SLC7A2: variants seen among roughly 807,000 people sequenced by gnomAD.
SLC7A2 encodes the protein solute carrier family 7 member 2.
Under a neutral mutation model 58.9 loss-of-function variants are expected in SLC7A2, and 48 were observed. That is an observed-to-expected ratio of 0.82 (90% CI 0.65 to 1.04). The LOEUF (loss-of-function observed/expected upper bound fraction) is 1.04. Among genes scored for constraint, SLC7A2 ranks in the 50% least tolerant of loss-of-function variants. The pLI, the probability that SLC7A2 is intolerant of heterozygous loss-of-function variation, is 0.00. For synonymous variants in SLC7A2, 363 were observed against 314.5 expected (o/e 1.15, Z -1.63); for missense variants, 1,029 against 818.8 (o/e 1.26, Z -3.13).
At chr8:17,510,151 C>A (rs771340656) in intron 2 of SLC7A2, among the ~76,000 whole-genome samples, 2 of 151,934 alleles carry the variant, frequency 1.3e-5, no homozygotes, top group Non-Finnish European at 2.9e-5. Context: ...ACCTGGGAGG[C>A]AGAGGTTGCA....
intron 2 of SLC7A2, among the ~76,000 whole-genome samples, chr8:17,509,350 C>T (rs1037209763): frequency 5.9e-5 from 9 of 152,000 alleles, no homozygotes; most frequent in South Asian, 2.1e-4. Flanking sequence ...CTCTGTCGCC[C>T]GTTGGAGTGC....
Position 17,550,377 on chromosome 8 carries a change from G to T in SLC7A2, c.775G>T (p.Ala259Ser). The T allele has an allele frequency of 6.2e-7, 1 of 1,614,052 alleles. No homozygotes were observed. Among genetic ancestry groups the T allele is most frequent in the Non-Finnish European group, 8.5e-7 (1 of 1,179,958 alleles). The change falls in exon 6 of 13, where the codon GCT (alanine) becomes TCT (serine). Residue 259 changes from alanine to serine, a missense_variant. Physicochemically the swap from Ala to Ser is moderately conservative, Grantham distance 99. Transcript: ENST00000494857. The part of the protein sequence containing the change: ...FMPYGFTGTL[A>S]GAATCFYAFV... ...GCCTTATGGCTTTACGGGAACGTTG[G>T]CTGGTGCTGCAACTTGCTTTTATGC...
At chr8:17,552,225 C>T (rs1281186282) in intron 7 of SLC7A2, among the ~76,000 whole-genome samples, 1 of 151,998 alleles carries the variant, frequency 6.6e-6, no homozygotes, top group Non-Finnish European at 1.5e-5. Flanking sequence ...AGTAGAAATA[C>T]ATATGGCATT....
chr8:17,524,460 T>C (rs981076216), intron 2 of SLC7A2, among the ~76,000 whole-genome samples: 1 of 143,030 alleles, frequency 7.0e-6, no homozygotes, highest in African/African-American at 2.6e-5. Context: ...ACACACACCA[T>C]GGAATACTAC....
intron 2 of SLC7A2, among the ~76,000 whole-genome samples, chr8:17,504,927 C>A (rs1800303514): frequency 6.6e-6 from 1 of 152,160 alleles, no homozygotes; most frequent in Non-Finnish European, 1.5e-5. Flanking sequence ...GCTCCTCCTC[C>A]TTTACTCCGA....
chr8:17,523,959 T>G (rs570715185), intron 2 of SLC7A2, among the ~76,000 whole-genome samples: 1 of 152,120 alleles, frequency 6.6e-6, no homozygotes, highest in African/African-American at 2.4e-5. Flanking sequence ...AATAGACAAT[T>G]CTCAAAAGAA....
intron 5 of SLC7A2, among the ~76,000 whole-genome samples, chr8:17,549,562 A>C (rs150719810): frequency 6.6e-6 from 1 of 152,334 alleles, no homozygotes; most frequent in South Asian, 2.1e-4. Context: ...TGAGTCCTGC[A>C]TCCTTTAGTT....
intron 8 of SLC7A2, 52 bp downstream of exon 8, chr8:17,554,751 AC>A (rs762146262): frequency 6.5e-7 from 1 of 1,536,848 alleles, no homozygotes; most frequent in Non-Finnish European, 8.8e-7. Flanking sequence ...TTCATCAAGG[AC>A]TCTGCATTAA....
chr8:17,541,220 G>A (rs1336653004), intron 2 of SLC7A2, among the ~76,000 whole-genome samples: 1 of 152,118 alleles, frequency 6.6e-6, no homozygotes, highest in Non-Finnish European at 1.5e-5. Flanking sequence ...GGCCCCCTCA[G>A]TTGGTTTTTA....
In SLC7A2 at chr8:17,568,501, G is replaced by T. The variant is rs1004352826; in HGVS notation, c.*3355G>T. On this transcript the variant is annotated 3_prime_UTR_variant, in exon 13 of 13. Coordinates refer to ENST00000494857, the MANE Select transcript of SLC7A2 (RefSeq NM_001370338.1). ...ATATAGAACTTTACCATCACCAGCCGTAGTTGATAGAAAATATTAGTTTCA... is the reference window on the plus strand; with the variant it reads ...ATATAGAACTTTACCATCACCAGCCTTAGTTGATAGAAAATATTAGTTTCA... 3.9e-5 allele frequency: 6 copies of T among 152,006 alleles called. No homozygotes were observed. The highest frequency in any genetic ancestry group is 1.4e-4 in the African/African-American group (6 of 41,396). The allele number at this position is 152,006 out of a possible 1,614,324, so 9.4% of individuals were successfully genotyped here.
intron 1 of SLC7A2, among the ~76,000 whole-genome samples, chr8:17,497,892 G>A (rs1186414631): frequency 6.6e-6 from 1 of 152,140 alleles, no homozygotes; most frequent in Non-Finnish European, 1.5e-5. Context: ...CTGTTCTTGA[G>A]GCTTAGAGAA....
chr8:17,519,923 C>T (rs1396628021), intron 2 of SLC7A2, among the ~76,000 whole-genome samples: 1 of 152,150 alleles, frequency 6.6e-6, no homozygotes, highest in Non-Finnish European at 1.5e-5. Context: ...GGAATGGATT[C>T]ATTTTTGTTG....
intron 3 of SLC7A2, among the ~76,000 whole-genome samples, chr8:17,544,191 T>C (rs1357241964): frequency 1.3e-5 from 2 of 152,224 alleles, no homozygotes; most frequent in East Asian, 3.9e-4. Context: ...TGATTTTTGC[T>C]TCATCTCTGA....
In SLC7A2 at chr8:17,562,039, C is replaced by G. The variant is rs1434618050; in HGVS notation, c.1600C>G (p.Leu534Val). The G allele has an allele frequency of 1.2e-6, 2 of 1,613,968 alleles. No homozygotes were observed. Among genetic ancestry groups the G allele is most frequent in the African/African-American group, 1.3e-5 (1 of 74,912 alleles). The change falls in exon 11 of 13, where the codon CTT becomes GTT. Residue 534 changes from leucine to valine, a missense_variant. Leu to Val is a conservative substitution (Grantham distance 32). Transcript: ENST00000494857. ...GAGCCTCGCTCTCCTCGCGCTGTTTCTTGTTCTCTTCGTTGCCATCGTTCT... is the reference window on the plus strand; with the variant it reads ...GAGCCTCGCTCTCCTCGCGCTGTTTGTTGTTCTCTTCGTTGCCATCGTTCT... Reference protein sequence around the residue: ...AWSLALLALFLVLFVAIVLTI... With the variant: ...AWSLALLALFVVLFVAIVLTI...
chr8:17,568,415 T>C lies in SLC7A2; in HGVS notation c.*3269T>C, dbSNP rs1422933307. 7 of 151,960 alleles carry C rather than the reference T, an allele frequency of 4.6e-5. No homozygotes were observed. Among genetic ancestry groups the C allele is most frequent in the Non-Finnish European group, 1.0e-4 (7 of 67,974 alleles). The allele number at this position is 151,960 out of a possible 1,614,324, so 9.4% of individuals were successfully genotyped here. On this transcript the variant is annotated 3_prime_UTR_variant, in exon 13 of 13. Transcript: ENST00000494857. Reference sequence around the variant, plus strand: ...ATCACATTTTCCCCAGAGATAAACATTGAGAGAACGAAAGCCAAAGTGTCA... The same window carrying C: ...ATCACATTTTCCCCAGAGATAAACACTGAGAGAACGAAAGCCAAAGTGTCA...
At chr8:17,555,211 G>A in intron 8 of SLC7A2, 10 of 807,444 alleles carry the variant, frequency 1.2e-5, no homozygotes, top group Non-Finnish European at 1.9e-5. Context: ...ATAAAAATTA[G>A]TATACAAGCA....
upstream of SLC7A2, among the ~76,000 whole-genome samples, chr8:17,494,221 A>C (rs1345200870): frequency 6.6e-6 from 1 of 152,196 alleles, no homozygotes; most frequent in African/African-American, 2.4e-5. Context: ...TTATTTGTGG[A>C]CATGAGATTT....
chr8:17,504,547 C>T (rs181252358), intron 2 of SLC7A2, among the ~76,000 whole-genome samples: 28 of 152,196 alleles, frequency 1.8e-4, no homozygotes, highest in African/African-American at 6.5e-4. Flanking sequence ...TAATTCTATC[C>T]GGTTTATCAA....
At chr8:17,536,108 C>A (rs199593241) in intron 2 of SLC7A2, among the ~76,000 whole-genome samples, 31 of 142,290 alleles carry the variant, frequency 2.2e-4, no homozygotes, top group South Asian at 2.3e-4. Context: ...TTCCTTGGCA[C>A]AAAAAAAAAA....
Sources: gnomAD v4.1 joint callset for allele counts (sites outside exome capture counted in the v4.1 genomes callset) on GRCh38, gnomAD v4.1.1 for gene constraint, MANE v1.5 for transcripts, NCBI Gene and HGNC (gene_info 2026-07-23, HGNC 2026-07-21) for gene names.